PRRC2C: variants seen among roughly 807,000 people sequenced by gnomAD.
The protein encoded by PRRC2C is proline rich coiled-coil 2C.
Under a neutral mutation model 317.2 loss-of-function variants are expected in PRRC2C, and 72 were observed. The ratio of observed to expected loss-of-function variants is 0.23; its 90% CI spans 0.19 to 0.28. The LOEUF is 0.28. PRRC2C is among the 10% of genes least tolerant of loss of function. PRRC2C has a pLI of 1.00. For missense variants in PRRC2C, 3,074 were observed against 3,459.7 expected (o/e 0.89, Z 2.80); for synonymous variants, 1,296 against 1,205.9 (o/e 1.07, Z -1.55).
intron 23 of PRRC2C, 34 bp downstream of exon 23, chr1:171,568,373 A>G (rs1439216066): frequency 6.4e-7 from 1 of 1,568,450 alleles, no homozygotes; most frequent in Non-Finnish European, 8.7e-7. Flanking sequence ...GCAAGTTTGG[A>G]TTGGAACCTG....
At chr1:171,503,643 T>C (rs181334560) in intron 1 of PRRC2C, among the ~76,000 whole-genome samples, 18 of 152,328 alleles carry the variant, frequency 1.2e-4, no homozygotes, top group African/African-American at 3.8e-4. Flanking sequence ...AGCAATTGTA[T>C]TGGATGTGTG....
At chr1:171,543,633 G>A (rs530750224) in intron 16 of PRRC2C, among the ~76,000 whole-genome samples, 2 of 152,248 alleles carry the variant, frequency 1.3e-5, no homozygotes, top group South Asian at 4.1e-4. Flanking sequence ...AAGAATTTAA[G>A]AATTTATTTG....
At chr1:171,507,114 C>T (rs1299142636) in intron 1 of PRRC2C, among the ~76,000 whole-genome samples, 1 of 151,972 alleles carries the variant, frequency 6.6e-6, no homozygotes, top group Non-Finnish European at 1.5e-5. Flanking sequence ...GTTAGACAAG[C>T]CAGATGTGGT....
At chr1:171,553,513 T>G (rs1287141927) in intron 18 of PRRC2C, among the ~76,000 whole-genome samples, 1 of 152,190 alleles carries the variant, frequency 6.6e-6, no homozygotes, top group Non-Finnish European at 1.5e-5. Context: ...CTGCTAGCTT[T>G]TGAATGTGTT....
chr1:171,523,079 T>A, intron 7 of PRRC2C, 142 bp from the exon 8 acceptor site: 2 of 701,880 alleles, frequency 2.8e-6, no homozygotes, highest in East Asian at 2.8e-5. Flanking sequence ...AATTTTTTCA[T>A]ACACATGTCC....
intron 24 of PRRC2C, 45 bp downstream of exon 24, chr1:171,571,466 A>G: frequency 7.4e-7 from 1 of 1,350,642 alleles, no homozygotes; most frequent in Non-Finnish European, 1.1e-6. Context: ...TGTTGCATGC[A>G]AGGGGACATA....
chr1:171,542,373 A>G (rs1371422494), intron 16 of PRRC2C, 144 bp downstream of exon 16: 23 of 815,762 alleles, frequency 2.8e-5, no homozygotes. Context: ...CTCTGTTCTC[A>G]AAGTGTAAGG....
chr1:171,581,509 A>C (rs376990584), intron 28 of PRRC2C, among the ~76,000 whole-genome samples: 1 of 152,362 alleles, frequency 6.6e-6, no homozygotes, highest in African/African-American at 2.4e-5. Flanking sequence ...AGACGTGGTC[A>C]ATAGAAATAA....
At chr1:171,485,937 G>C (rs1665954280) in intron 1 of PRRC2C, among the ~76,000 whole-genome samples, 1 of 151,996 alleles carries the variant, frequency 6.6e-6, no homozygotes, top group African/African-American at 2.4e-5. Flanking sequence ...CCTCCAGCTT[G>C]GGGAGCGGGA....
At position 171,566,625 on chromosome 1, in the gene PRRC2C, C is replaced by T. The variant is rs1250331926; in HGVS notation, c.6340C>T (p.His2114Tyr). The T allele has an allele frequency of 1.3e-6, 2 of 1,598,628 alleles. No homozygotes were observed. Among genetic ancestry groups the T allele is most frequent in the Non-Finnish European group, 1.7e-6 (2 of 1,172,296 alleles). ...TTTGAGTCCAGTAGAAAACAAAGAA[C>T]ACAAACCTGGTCCCATTGGAAAGGA... ...PDLSPVENKE[H>Y]KPGPIGKERS... Residue 2114 changes from histidine (H) to tyrosine (Y), a missense_variant, in exon 22 of 35, where the codon CAC (histidine) becomes TAC (tyrosine). By Grantham distance (83) the His-to-Tyr change is moderately conservative. Around this residue, in one of 11 missense-constraint regions of PRRC2C, gnomAD observed 640 missense variants for 676.1 expected, o/e 0.95. Transcript: ENST00000647382.
chr1:171,527,268 G>A (rs1674794882), intron 10 of PRRC2C, among the ~76,000 whole-genome samples: 1 of 150,890 alleles, frequency 6.6e-6, no homozygotes, highest in Non-Finnish European at 1.5e-5. Flanking sequence ...GAGTAGCTGG[G>A]ATTACAGGCA....
At chr1:171,523,968 G>A (rs962201713) in intron 9 of PRRC2C, among the ~76,000 whole-genome samples, 4 of 152,080 alleles carry the variant, frequency 2.6e-5, no homozygotes, top group South Asian at 2.1e-4. Context: ...TCCGGGAGGC[G>A]GAGGTTGCAG....
At chr1:171,499,900 A>G (rs1172914636) in intron 1 of PRRC2C, among the ~76,000 whole-genome samples, 1 of 152,256 alleles carries the variant, frequency 6.6e-6, no homozygotes, top group East Asian at 1.9e-4. Flanking sequence ...AAAATGGTTT[A>G]CACAGATGCT....
At position 171,515,815 on chromosome 1, in the gene PRRC2C, C is replaced by T. The variant is rs1282354995; in HGVS notation, c.482C>T (p.Thr161Ile). 6.2e-7 allele frequency: 1 copy of T among 1,611,882 alleles called. No individual in the cohort carries two copies. Among genetic ancestry groups the T allele is most frequent in the Non-Finnish European group, 8.5e-7 (1 of 1,178,766 alleles). ...AGDQEKKEKE[T>I]NDDNYGPGPS... The stretch of plus-strand genomic sequence containing the variant: ...GATCAGGAAAAAAAAGAAAAGGAAA[C>T]AAATGATGACAACTATGGACCTGGA... Residue 161 changes from threonine (T) to isoleucine (I), a missense_variant, in exon 5 of 35, where the codon ACA becomes ATA. Physicochemically the swap from Thr to Ile is moderately conservative, Grantham distance 89 (BLOSUM62 -1). Transcript: ENST00000647382.
Position 171,535,517 on chromosome 1 carries a change from T to C in PRRC2C, c.1963T>C (p.Ser655Pro), listed in dbSNP as rs1676659214. The C allele has an allele frequency of 6.2e-7, 1 of 1,613,968 alleles. No individual in the cohort carries two copies. The highest frequency in any genetic ancestry group is 1.3e-5 in the African/African-American group (1 of 75,038). The change falls in exon 13 of 35, where the codon TCT becomes CCT. Residue 655 changes from serine to proline, a missense_variant. Physicochemically the swap from Ser to Pro is moderately conservative, Grantham distance 74. This residue lies in a region of PRRC2C where 1,320 missense variants were observed against 1,395.7 expected (regional missense o/e 0.95). Transcript: ENST00000647382. ...VVHETEPESG[S>P]QPRPAVLSGY... ...GCATGAAACAGAACCAGAATCAGGG[T>C]CTCAACCTCGGCCGGCTGTATTATC...
chr1:171,546,437 T>C (rs1459175785), intron 17 of PRRC2C, among the ~76,000 whole-genome samples: 2 of 152,212 alleles, frequency 1.3e-5, no homozygotes, highest in African/African-American at 2.4e-5. Flanking sequence ...GAGATATAGA[T>C]GAGGTTTTTC....
intron 26 of PRRC2C, 76 bp from the exon 27 acceptor site, chr1:171,579,278 T>C: frequency 1.3e-6 from 2 of 1,497,594 alleles, no homozygotes; most frequent in East Asian, 4.7e-5. Context: ...GCTACAAAAC[T>C]TGGTTTTTAT....
intron 7 of PRRC2C, 59 bp from the exon 8 acceptor site, chr1:171,523,162 A>G (rs1673926933): frequency 2.1e-6 from 3 of 1,447,610 alleles, no homozygotes; most frequent in Non-Finnish European, 9.3e-7. Context: ...ATCTTTTAGT[A>G]TTCTCCCAGT....
intron 7 of PRRC2C, among the ~76,000 whole-genome samples, chr1:171,522,867 CTT>C (rs74861803): frequency 2.1e-5 from 3 of 141,212 alleles, no homozygotes; most frequent in Admixed American, 7.1e-5. Context: ...CATTTTCTTT[CTT>C]TTTTTTTTTT....
Sources: allele counts gnomAD v4.1 joint callset (sites outside exome capture counted in the v4.1 genomes callset), GRCh38; gene constraint gnomAD v4.1.1; regional missense constraint gnomAD v4.1.1; transcripts MANE v1.5; gene names NCBI Gene and HGNC (gene_info 2026-07-23, HGNC 2026-07-21).